RBFOX1: variants seen among roughly 807,000 people sequenced by gnomAD.
The protein encoded by RBFOX1 is RNA binding fox-1 homolog 1.
In RBFOX1, 8 loss-of-function variants were observed where a neutral mutation model predicts 57.7. The observed-to-expected ratio is 0.14, with a 90% CI of 0.08 to 0.25. RBFOX1 has a LOEUF of 0.25. RBFOX1 is among the 10% of genes least tolerant of loss of function. The pLI is 1.00. For synonymous variants in RBFOX1, 326 were observed against 222.4 expected (o/e 1.47, Z -4.15); for missense variants, 611 against 548.5 (o/e 1.11, Z -1.14).
intron 2 of RBFOX1, among the ~76,000 whole-genome samples, chr16:6,520,076 C>G (rs17540821): frequency 0.028 from 4,315 of 152,262 alleles, 86 homozygotes; most frequent in Non-Finnish European, 0.046. Context: ...TATTTCGTGA[C>G]CAGAGACCAG....
rs1324552107 is a variant in RBFOX1 at position 6,804,619 on chromosome 16, C to A, written c.-16+149969C>A. On this transcript the variant is annotated intron_variant, in intron 3 of 15. Coordinates refer to ENST00000550418, the MANE Select transcript of RBFOX1 (RefSeq NM_018723.4). ...TTAATATCAAGTTTCACAATGTGTT[C>A]TTTCATTAGGATGTCAGTAATGAGA... Among the ~76,000 whole-genome samples, 7 of 152,270 alleles carry A rather than the reference C, an allele frequency of 4.6e-5. No homozygotes were observed. In the South Asian group the frequency reaches 1.0e-3, roughly 23 times the overall value.
At chr16:7,363,842 A>T (rs1158382451) in intron 4 of RBFOX1, among the ~76,000 whole-genome samples, 1 of 151,956 alleles carries the variant, frequency 6.6e-6, no homozygotes, top group East Asian at 1.9e-4. Context: ...GATGTTTATT[A>T]TCTGGGTGGA....
At chr16:6,608,487 G>C (rs1277649562) in intron 2 of RBFOX1, among the ~76,000 whole-genome samples, 1 of 152,162 alleles carries the variant, frequency 6.6e-6, no homozygotes, top group African/African-American at 2.4e-5. Flanking sequence ...CAAGCTTAGT[G>C]ACTTAAAACA....
intron 4 of RBFOX1, among the ~76,000 whole-genome samples, chr16:7,440,443 C>T (rs1459126779): frequency 6.6e-6 from 1 of 152,072 alleles, no homozygotes; most frequent in Non-Finnish European, 1.5e-5. Context: ...CTTTGTATGT[C>T]CACAACCCCA....
At chr16:7,430,201 C>G (rs1253930002) in intron 4 of RBFOX1, among the ~76,000 whole-genome samples, 1 of 152,172 alleles carries the variant, frequency 6.6e-6, no homozygotes, top group African/African-American at 2.4e-5. Context: ...GTTCCATTGG[C>G]CCACAGTAAC....
At chr16:6,585,618 C>G (rs1600657862) in intron 2 of RBFOX1, among the ~76,000 whole-genome samples, 1 of 152,180 alleles carries the variant, frequency 6.6e-6, no homozygotes, top group South Asian at 2.1e-4. Flanking sequence ...TGCTGTGTTG[C>G]TGGTTAGATC....
intron 5 of RBFOX1, among the ~76,000 whole-genome samples, chr16:7,564,798 AT>A (rs35762412): frequency 0.51 from 76,712 of 151,754 alleles, 19,745 homozygotes; most frequent in Admixed American, 0.55. Flanking sequence ...CATTCATCCT[AT>A]TTTTTTCCCA....
intron 4 of RBFOX1, among the ~76,000 whole-genome samples, chr16:5,956,602 T>C (rs1001517410): frequency 2.7e-5 from 4 of 148,642 alleles, no homozygotes; most frequent in South Asian, 4.2e-4. Context: ...GATAGCAAAC[T>C]AGTGAGGAAC....
intron 3 of RBFOX1, among the ~76,000 whole-genome samples, chr16:5,718,122 A>C (rs539081157): frequency 2.0e-5 from 3 of 152,204 alleles, no homozygotes; most frequent in African/African-American, 7.2e-5. Context: ...ATTTCTTTAC[A>C]TAGGGGGCTT....
At chr16:5,767,363 C>T (rs116630138) in intron 3 of RBFOX1, among the ~76,000 whole-genome samples, 1 of 152,284 alleles carries the variant, frequency 6.6e-6, no homozygotes, top group African/African-American at 2.4e-5. Context: ...CAGAGGACCT[C>T]CACAGAAATT....
At chr16:7,078,596 C>G (rs1455818564) in intron 4 of RBFOX1, among the ~76,000 whole-genome samples, 2 of 152,092 alleles carry the variant, frequency 1.3e-5, no homozygotes, top group Non-Finnish European at 2.9e-5. Flanking sequence ...GATCCACCCA[C>G]TTTGGCCTCC....
At chr16:7,279,820 A>G (rs1245821453) in intron 4 of RBFOX1, among the ~76,000 whole-genome samples, 3 of 152,206 alleles carry the variant, frequency 2.0e-5, no homozygotes, top group Non-Finnish European at 4.4e-5. Context: ...CAACTTCCAG[A>G]AATGGCCAAG....
intron 3 of RBFOX1, among the ~76,000 whole-genome samples, chr16:7,006,609 C>T (rs1319214384): frequency 6.6e-6 from 1 of 152,068 alleles, no homozygotes; most frequent in Non-Finnish European, 1.5e-5. Context: ...ACCACCACAC[C>T]TGGCTTGGTT....
intron 2 of RBFOX1, among the ~76,000 whole-genome samples, chr16:5,573,056 AT>A (rs148997909): frequency 6.6e-6 from 1 of 152,228 alleles, no homozygotes; most frequent in East Asian, 1.9e-4. Context: ...CAGGGAGGAC[AT>A]TTAGGCAGTT....
chr16:5,698,028 A>C (rs1476470786), intron 3 of RBFOX1, among the ~76,000 whole-genome samples: 2 of 152,146 alleles, frequency 1.3e-5, no homozygotes, highest in East Asian at 3.8e-4. Context: ...TGATGTGGTG[A>C]ATTACCTTAA....
intron 4 of RBFOX1, among the ~76,000 whole-genome samples, chr16:5,993,692 G>C (rs918683638): frequency 1.3e-5 from 2 of 152,102 alleles, no homozygotes; most frequent in African/African-American, 2.4e-5. Flanking sequence ...GAGTTGTGTC[G>C]CTGCATTAAT....
At chr16:6,692,623 C>G (rs1400829950) in intron 3 of RBFOX1, among the ~76,000 whole-genome samples, 1 of 110,798 alleles carries the variant, frequency 9.0e-6, no homozygotes, top group East Asian at 2.2e-4. Flanking sequence ...ATGCACTTTT[C>G]CATCCAAACA....
intron 4 of RBFOX1, among the ~76,000 whole-genome samples, chr16:5,898,693 A>G (rs2058227469): frequency 6.6e-6 from 1 of 152,074 alleles, no homozygotes; most frequent in African/African-American, 2.4e-5. Flanking sequence ...ATCTCAAGCC[A>G]TTTGACTTCA....
chr16:6,245,674 C>G (rs942112453), intron 1 of RBFOX1, among the ~76,000 whole-genome samples: 1 of 152,156 alleles, frequency 6.6e-6, no homozygotes, highest in Non-Finnish European at 1.5e-5. Context: ...CTTAACAACT[C>G]TTAGTGGTGT....
Sources: gnomAD v4.1 joint callset for allele counts (sites outside exome capture counted in the v4.1 genomes callset) on GRCh38, gnomAD v4.1.1 for gene constraint, MANE v1.5 for transcripts, NCBI Gene and HGNC (gene_info 2026-07-23, HGNC 2026-07-21) for gene names.